The following KIF25 variants were observed in gnomAD, a reference collection of about 807,000 sequenced individuals.
KIF25 encodes the protein kinesin family member 25, also known as kinesin-like protein KIF25.
Under a neutral mutation model 32.9 loss-of-function variants are expected in KIF25, and 19 were observed. The ratio of observed to expected loss-of-function variants is 0.58; its 90% CI spans 0.40 to 0.85. The LOEUF (loss-of-function observed/expected upper bound fraction) is 0.85. Among genes scored for constraint, KIF25 ranks in the 40% least tolerant of loss-of-function variants. The pLI is 0.00. For missense variants in KIF25, 485 were observed against 507.0 expected (o/e 0.96, Z 0.42); for synonymous variants, 225 against 213.7 (o/e 1.05, Z -0.46).
chr6:168,042,794 GTCC>G, intron 12 of KIF25, 78 bp downstream of exon 12: 1 of 1,488,910 alleles, frequency 6.7e-7, no homozygotes. Flanking sequence ...TGGCCTGCAC[GTCC>G]TCGAGGGCCA....
chr6:168,018,024 A>G lies in KIF25; in HGVS notation c.-111A>G, dbSNP rs1418371521. The G allele has an allele frequency of 3.3e-5, 5 of 152,638 alleles. No individual in the cohort carries two copies. The highest frequency in any genetic ancestry group is 1.2e-4 in the African/African-American group (5 of 41,440). The allele number at this position is 152,638 out of a possible 1,614,324, so 9.5% of individuals were successfully genotyped here. A position where few individuals can be genotyped will look rare whatever the true frequency, so the allele number is the denominator to read the frequency against. On this transcript the variant is annotated 5_prime_UTR_variant, in exon 5 of 13. Coordinates refer to ENST00000643607, the MANE Select transcript of KIF25 (RefSeq NM_030615.4). ...TCCTGGCCACCCTCTGATTGATAAG[A>G]CATATCATTTTGAAAGGTAAGTGCT...
chr6:168,006,003 A>ACGGGAGGC (rs1164915207), intron 4 of KIF25, among the ~76,000 whole-genome samples: 3 of 152,152 alleles, frequency 2.0e-5, no homozygotes, highest in Non-Finnish European at 4.4e-5. Context: ...GGCGGCTCTC[A>ACGGGAGGC]TGGGAGGGTC....
In KIF25 at chr6:167,998,098, A is replaced by G. The variant is rs929557878; in HGVS notation, c.-1371A>G. On this transcript the variant is annotated 5_prime_UTR_variant, in exon 1 of 13. Coordinates refer to ENST00000643607, the MANE Select transcript of KIF25 (RefSeq NM_030615.4). ...AATAGCACCACCTCTCTGGGTTGCT[A>G]TAAAGACAAAGGGAGATATCAGTGA... The G allele has an allele frequency of 6.6e-5, 10 of 151,972 alleles. No individual in the cohort carries two copies. Among genetic ancestry groups the G allele is most frequent in the African/African-American group, 2.4e-4 (10 of 41,360 alleles). The allele number at this position is 151,972 out of a possible 1,614,324, so 9.4% of individuals were successfully genotyped here. A position where few individuals can be genotyped will look rare whatever the true frequency, so the allele number is the denominator to read the frequency against.
chr6:168,008,121 C>T (rs1273453201), intron 4 of KIF25, among the ~76,000 whole-genome samples: 3 of 152,202 alleles, frequency 2.0e-5, no homozygotes, highest in Admixed American at 6.5e-5. Context: ...GAAAGAATTT[C>T]TTCCTTGAAG....
At chr6:168,004,231 T>C (rs1435905458) in intron 4 of KIF25, among the ~76,000 whole-genome samples, 1 of 152,120 alleles carries the variant, frequency 6.6e-6, no homozygotes, top group Non-Finnish European at 1.5e-5. Context: ...GGGAGGAGCC[T>C]GGGGCACTTG....
intron 4 of KIF25, among the ~76,000 whole-genome samples, chr6:168,009,526 A>C (rs1228799396): frequency 6.6e-6 from 1 of 152,026 alleles, no homozygotes; most frequent in East Asian, 1.9e-4. Flanking sequence ...GTTGGCCTAT[A>C]GTTTTTTGTT....
chr6:168,002,734 T>C (rs1798525752), intron 3 of KIF25, 75 bp downstream of exon 3: 1 of 152,250 alleles, frequency 6.6e-6, no homozygotes, highest in South Asian at 2.1e-4. Context: ...TTGTGCACTT[T>C]ATTTCTATTA....
intron 5 of KIF25, 58 bp from the exon 6 acceptor site, chr6:168,029,434 C>T: frequency 1.1e-5 from 13 of 1,201,760 alleles, no homozygotes; most frequent in Non-Finnish European, 1.1e-5. Flanking sequence ...AACTAACATT[C>T]ATGTTAAGGC....
chr6:168,003,856 CT>C (rs1326321243), intron 4 of KIF25, among the ~76,000 whole-genome samples, 153 bp downstream of exon 4: 4 of 152,200 alleles, frequency 2.6e-5, no homozygotes, highest in African/African-American at 9.7e-5. Context: ...ATTTGACATG[CT>C]TTCCTTGTGG....
rs117460701 is a variant in KIF25, at chr6:168,028,061, C to G, written c.-94-1431C>G. ...TGGACTCTGCTGGGACACGCATGGC[C>G]GGGTGGTTTTCATTAAACTCGTGGT... On this transcript the variant is annotated intron_variant, in intron 5 of 12. Transcript: ENST00000643607. 2.0e-5 allele frequency among the ~76,000 whole-genome samples: 3 copies of G among 152,168 alleles called. No individual in the cohort carries two copies. In the East Asian group the frequency reaches 5.8e-4, roughly 29 times the overall value.
intron 12 of KIF25, among the ~76,000 whole-genome samples, chr6:168,043,942 C>T (rs1028832256): frequency 1.3e-5 from 2 of 152,216 alleles, no homozygotes; most frequent in Non-Finnish European, 2.9e-5. Context: ...CCCAGGGGGG[C>T]CTGAGGGAGC....
intron 5 of KIF25, among the ~76,000 whole-genome samples, chr6:168,022,880 G>GGTAAC (rs1288739528): frequency 6.6e-6 from 1 of 151,504 alleles, no homozygotes; most frequent in Admixed American, 6.6e-5. Context: ...TCAGTTTTCA[G>GGTAAC]GTAACGTTTG....
At chr6:168,044,060 G>T (rs1799175690) in intron 12 of KIF25, among the ~76,000 whole-genome samples, 1 of 152,204 alleles carries the variant, frequency 6.6e-6, no homozygotes, top group Admixed American at 6.5e-5. Context: ...CTCAACCTAG[G>T]GCTGACTTCA....
chr6:168,008,579 A>G (rs902226534), intron 4 of KIF25, among the ~76,000 whole-genome samples: 1 of 152,154 alleles, frequency 6.6e-6, no homozygotes, highest in Non-Finnish European at 1.5e-5. Flanking sequence ...GTTCCATACA[A>G]ATTTTACAAT....
At position 168,035,104 on chromosome 6, in the gene KIF25, T is replaced by G. The variant is rs142799967; in HGVS notation, c.317+1073T>G. On this transcript the variant is annotated intron_variant, in intron 8 of 12. Transcript: ENST00000643607. ...AAAACAAAGGCTCAGGCAAGAGCCC[T>G]GGGGAACTGAGGTAGAAAGCGGGAG... 5.8e-3 allele frequency among the ~76,000 whole-genome samples: 766 copies of G among 131,218 alleles called. 7 individuals are homozygous for G. The highest frequency in any genetic ancestry group is 0.022 in the African/African-American group (738 of 34,226). The allele number at this position is 131,218 out of a possible 152,430, so 86.1% of individuals were successfully genotyped here. A position where few individuals can be genotyped will look rare whatever the true frequency, so the allele number is the denominator to read the frequency against.
At chr6:168,030,192 G>A (rs1000233341) in intron 6 of KIF25, among the ~76,000 whole-genome samples, 2 of 152,170 alleles carry the variant, frequency 1.3e-5, no homozygotes, top group East Asian at 1.9e-4. Flanking sequence ...ACCACATGAG[G>A]TTTCCTTTTC....
chr6:168,042,255 C>G, intron 11 of KIF25, 104 bp downstream of exon 11: 1 of 1,200,598 alleles, frequency 8.3e-7, no homozygotes, highest in Non-Finnish European at 1.1e-6. Flanking sequence ...CTGGGCGAGC[C>G]AGGCATTTCC....
intron 4 of KIF25, among the ~76,000 whole-genome samples, chr6:168,006,262 T>G (rs1798578772): frequency 6.6e-6 from 1 of 152,064 alleles, no homozygotes; most frequent in South Asian, 2.1e-4. Context: ...AGGCTAGTCT[T>G]GAACTCCTGG....
intron 4 of KIF25, among the ~76,000 whole-genome samples, chr6:168,017,182 T>C (rs1798726705): frequency 7.0e-6 from 1 of 142,078 alleles, no homozygotes; most frequent in Non-Finnish European, 1.6e-5. Flanking sequence ...TTCTTTGACA[T>C]GTTATTGCAG....
Sources: allele counts gnomAD v4.1 joint callset (sites outside exome capture counted in the v4.1 genomes callset), GRCh38; gene constraint gnomAD v4.1.1; transcripts MANE v1.5; gene names NCBI Gene and HGNC (gene_info 2026-07-23, HGNC 2026-07-21).